Variants in EPHX1 observed in about 807,000 individuals in gnomAD.
The protein encoded by EPHX1 is epoxide hydratase.
In EPHX1, 40 loss-of-function variants were observed where a neutral mutation model predicts 43.2. That is an observed-to-expected ratio of 0.93 (90% CI 0.72 to 1.21). The LOEUF is 1.21. EPHX1 is among the 50% of genes most tolerant of loss of function. The pLI is 0.00. For missense variants in EPHX1, 550 were observed against 570.4 expected (o/e 0.96, Z 0.36); for synonymous variants, 221 against 226.7 (o/e 0.98, Z 0.22).
intron 6 of EPHX1, 44 bp from the exon 7 acceptor site, chr1:225,842,322 G>T: frequency 7.1e-7 from 1 of 1,410,932 alleles, no homozygotes. Flanking sequence ...CAGCTCTCTG[G>T]TCCCCAGGCC....
At chr1:225,832,731 G>A (rs921026000) in intron 3 of EPHX1, among the ~76,000 whole-genome samples, 3 of 151,926 alleles carry the variant, frequency 2.0e-5, no homozygotes, top group Non-Finnish European at 2.9e-5. Context: ...TCTTTTTTTC[G>A]GTAATGGTCA....
intron 3 of EPHX1, 110 bp from the exon 4 acceptor site, chr1:225,838,544 G>T (rs996296277): frequency 2.3e-6 from 2 of 881,546 alleles, no homozygotes; most frequent in Non-Finnish European, 3.6e-6. Context: ...AAGGGGCGGC[G>T]GGGGCACTAA....
At position 225,839,366 on chromosome 1, in the gene EPHX1, GGTGTGTGTGTGTGTGTGTGTGT is replaced by G. The variant is rs34868815; in HGVS notation, c.722+35_722+56del. ...GCCCAGGTGAGGTCACTGTTGGGGT[GGTGTGTGTGTGTGTGTGTGTGT>G]GTGTGTGTGTGTGTCCTCTAAGAAG... On this transcript the variant is annotated intron_variant, in intron 5 of 8. Transcript: ENST00000272167. 1.1e-5 allele frequency: 17 copies of G among 1,560,834 alleles called. No individual in the cohort carries two copies. The highest frequency in any genetic ancestry group is 9.9e-5 in the African/African-American group (7 of 70,832).
chr1:225,829,680 C>T (rs747678835), intron 2 of EPHX1, among the ~76,000 whole-genome samples: 3 of 152,100 alleles, frequency 2.0e-5, no homozygotes, highest in Non-Finnish European at 4.4e-5. Context: ...TGTGTGCAGG[C>T]CCAGTGAGTG....
At chr1:225,814,315 C>T (rs542319636) in intron 1 of EPHX1, among the ~76,000 whole-genome samples, 2 of 152,298 alleles carry the variant, frequency 1.3e-5, no homozygotes, top group East Asian at 1.9e-4. Flanking sequence ...AGGAGGATCT[C>T]TTGAGCCCAA....
intron 1 of EPHX1, among the ~76,000 whole-genome samples, chr1:225,826,916 A>G (rs1667274109): frequency 1.3e-5 from 2 of 152,136 alleles, no homozygotes; most frequent in South Asian, 2.1e-4. Context: ...CTGGGAGTTC[A>G]CTGGGATCAC....
chr1:225,838,685 C>G lies in EPHX1; in HGVS notation c.396C>G (p.Pro132=). 2 of 1,614,152 alleles carry G rather than the reference C, an allele frequency of 1.2e-6. No individual in the cohort carries two copies. Among genetic ancestry groups the G allele is most frequent in the Non-Finnish European group, 8.5e-7 (1 of 1,180,026 alleles). The change falls in exon 4 of 9, where the codon CCC becomes CCG. Residue 132 remains proline, a synonymous_variant. Transcript: ENST00000272167. ...GLDIHFIHVK[P]PQLPAGHTPK... is the part of the protein sequence containing the mutation. ...ACATCCACTTCATCCACGTGAAGCC[C>G]CCCCAGCTGCCCGCAGGCCATACCC...
intron 1 of EPHX1, among the ~76,000 whole-genome samples, chr1:225,820,210 T>G (rs888933660): frequency 6.6e-6 from 1 of 152,196 alleles, no homozygotes. Flanking sequence ...CAATTCTCCC[T>G]GCCTCAGCCT....
chr1:225,835,451 G>A (rs1329646747), intron 3 of EPHX1, among the ~76,000 whole-genome samples: 2 of 140,650 alleles, frequency 1.4e-5, no homozygotes, highest in East Asian at 2.1e-4. Context: ...GTGCAGTGAC[G>A]CAATCTCGAC....
chr1:225,823,771 CTT>C (rs1667093989), intron 1 of EPHX1, among the ~76,000 whole-genome samples: 1 of 149,712 alleles, frequency 6.7e-6, no homozygotes, highest in Non-Finnish European at 1.5e-5. Context: ...GTGAGCAGTC[CTT>C]CTCACTCTGG....
Position 225,828,900 on chromosome 1 carries a change from TGAG to T in EPHX1, c.175_177del (p.Glu59del), listed in dbSNP as rs1448236583. 5.7e-6 allele frequency: 9 copies of T among 1,579,042 alleles called. No individual in the cohort carries two copies. Among genetic ancestry groups the T allele is most frequent in the Non-Finnish European group, 7.8e-6 (9 of 1,159,904 alleles). On this transcript the variant is annotated inframe_deletion, in exon 2 of 9. Transcript: ENST00000272167. ...GCCCTTTCAAGGTGGAAACGTCAGA[TGAG>T]GAGATCCACGTAAGGCACCTTGGGC...
Position 225,839,239 on chromosome 1 carries a change from C to T in EPHX1, c.615C>T (p.Ala205=). The change falls in exon 5 of 9, where the codon GCC becomes GCT. Residue 205 remains alanine, a synonymous_variant. Coordinates refer to ENST00000272167, the MANE Select transcript of EPHX1 (RefSeq NM_001136018.4). ...CAGGGTTCAACTCGGTGGCCACCGC[C>T]AGGATCTTTTACAAGCTGATGCTGC... The part of the protein sequence containing the change: ...SKKGFNSVAT[A]RIFYKLMLRL... The T allele has an allele frequency of 6.2e-7, 1 of 1,614,136 alleles. No homozygotes were observed. Among genetic ancestry groups the T allele is most frequent in the South Asian group, 1.1e-5 (1 of 91,082 alleles).
At chr1:225,823,918 G>A (rs752583532) in intron 1 of EPHX1, among the ~76,000 whole-genome samples, 2 of 152,144 alleles carry the variant, frequency 1.3e-5, no homozygotes, top group South Asian at 2.1e-4. Context: ...ACTGAGCCTC[G>A]AGCCTTTGCT....
intron 1 of EPHX1, among the ~76,000 whole-genome samples, chr1:225,826,290 G>A (rs546035918): frequency 1.3e-5 from 2 of 151,726 alleles, no homozygotes; most frequent in African/African-American, 2.4e-5. Flanking sequence ...ATGGTGAAAC[G>A]CTGTCTTTAC....
rs1575984008 is a variant in EPHX1 at position 225,819,364 on chromosome 1, T to C, written c.-6+9195T>C. Among the ~76,000 whole-genome samples, 8 of 151,670 alleles carry C rather than the reference T, an allele frequency of 5.3e-5. No homozygotes were observed. The South Asian group carries it at 1.7e-3, about 32-fold the overall frequency. On this transcript the variant is annotated intron_variant, in intron 1 of 8. Coordinates refer to ENST00000272167, the MANE Select transcript of EPHX1 (RefSeq NM_001136018.4). ...TTGCAGTGAGCCGAGATCGTGCCAC[T>C]GCACTCCAGCCTGGGGACAGAGAGA...
chr1:225,829,707 G>A (rs896027249), intron 2 of EPHX1, among the ~76,000 whole-genome samples: 1 of 152,122 alleles, frequency 6.6e-6, no homozygotes, highest in Non-Finnish European at 1.5e-5. Flanking sequence ...AGAAGAGACA[G>A]CCCCTTCCGT....
intron 1 of EPHX1, among the ~76,000 whole-genome samples, chr1:225,815,411 C>CTTTTTTTT (rs5781415): frequency 2.4e-4 from 19 of 78,206 alleles, no homozygotes; most frequent in Non-Finnish European, 3.7e-4. Flanking sequence ...AGCTAATTTT[C>CTTTTTTTT]TTTTTTTTTT....
intron 1 of EPHX1, 36 bp from the exon 2 acceptor site, chr1:225,828,689 G>C: frequency 6.2e-7 from 1 of 1,603,708 alleles, no homozygotes; most frequent in Non-Finnish European, 8.5e-7. Flanking sequence ...CGGGCTGGGC[G>C]GGCTCCGTTG....
chr1:225,836,401 C>G (rs990445016), intron 3 of EPHX1, among the ~76,000 whole-genome samples: 2 of 152,142 alleles, frequency 1.3e-5, no homozygotes, highest in African/African-American at 4.8e-5. Context: ...TGAGACCAGC[C>G]TGGGCAACAT....
Sources: gnomAD v4.1 joint callset for allele counts (sites outside exome capture counted in the v4.1 genomes callset) on GRCh38, gnomAD v4.1.1 for gene constraint, MANE v1.5 for transcripts, NCBI Gene and HGNC (gene_info 2026-07-23, HGNC 2026-07-21) for gene names.